C8orf34: variants seen among roughly 807,000 people sequenced by gnomAD.
C8orf34 encodes the protein chromosome 8 open reading frame 34, also known as uncharacterized protein C8orf34.
A neutral mutation model predicts 68.3 loss-of-function variants in C8orf34; 65 were observed. The ratio of observed to expected loss-of-function variants is 0.95; its 90% CI spans 0.78 to 1.17. The LOEUF (loss-of-function observed/expected upper bound fraction) is 1.17, where lower values mean the gene tolerates loss of function less well. Among genes scored for constraint, C8orf34 ranks in the 50% most tolerant of loss-of-function variants. The pLI is 0.00. For missense variants in C8orf34, 664 were observed against 655.4 expected (o/e 1.01, Z -0.14); for synonymous variants, 244 against 241.2 (o/e 1.01, Z -0.11).
intron 10 of C8orf34, among the ~76,000 whole-genome samples, chr8:68,726,763 A>G (rs1476978560): frequency 1.3e-5 from 2 of 152,092 alleles, no homozygotes; most frequent in Non-Finnish European, 2.9e-5. Flanking sequence ...AAAAGCGGAA[A>G]CCCCTGATAA....
At chr8:68,744,885 T>A (rs201380054) in intron 10 of C8orf34, among the ~76,000 whole-genome samples, 1 of 151,848 alleles carries the variant, frequency 6.6e-6, no homozygotes, top group Non-Finnish European at 1.5e-5. Flanking sequence ...TACTGAGAAC[T>A]CCACAAAGAT....
chr8:68,760,592 G>C (rs1822997288), intron 10 of C8orf34, among the ~76,000 whole-genome samples: 1 of 152,182 alleles, frequency 6.6e-6, no homozygotes, highest in Non-Finnish European at 1.5e-5. Context: ...CTGAGCATGA[G>C]ACTCTTTGCA....
At chr8:68,708,195 G>A (rs76258595) in intron 8 of C8orf34, among the ~76,000 whole-genome samples, 11,649 of 152,124 alleles carry the variant, frequency 0.077, 661 homozygotes, top group African/African-American at 0.16. Flanking sequence ...ATAGAGGGAT[G>A]TGCAGAATTT....
At chr8:68,745,321 A>G (rs906262954) in intron 10 of C8orf34, among the ~76,000 whole-genome samples, 3 of 152,190 alleles carry the variant, frequency 2.0e-5, no homozygotes, top group African/African-American at 7.2e-5. Flanking sequence ...AAGAAACTGC[A>G]TCAACTAATG....
chr8:68,524,368 T>C (rs1814888076), intron 6 of C8orf34, among the ~76,000 whole-genome samples: 1 of 152,164 alleles, frequency 6.6e-6, no homozygotes, highest in Admixed American at 6.6e-5. Flanking sequence ...ATAAGTATGT[T>C]ACAAATAGTT....
chr8:68,332,786 C>T (rs1805685042), intron 1 of C8orf34, among the ~76,000 whole-genome samples: 2 of 152,154 alleles, frequency 1.3e-5, no homozygotes, highest in Admixed American at 6.5e-5. Context: ...CAGAGTCCTA[C>T]AATTGCTTTG....
intron 1 of C8orf34, among the ~76,000 whole-genome samples, chr8:68,417,833 A>G (rs935590437): frequency 6.6e-6 from 1 of 152,034 alleles, no homozygotes; most frequent in African/African-American, 2.4e-5. Context: ...CTGTGAAGAA[A>G]GTCATTGGTA....
intron 1 of C8orf34, among the ~76,000 whole-genome samples, chr8:68,436,985 G>A (rs1035290319): frequency 6.6e-6 from 1 of 152,198 alleles, no homozygotes; most frequent in Non-Finnish European, 1.5e-5. Flanking sequence ...TGGATTAAGT[G>A]AGAAGCAGGG....
intron 1 of C8orf34, among the ~76,000 whole-genome samples, chr8:68,367,935 A>AAAAAAAAAAAAAAAC (rs1807379171): frequency 7.5e-6 from 1 of 134,030 alleles, no homozygotes; most frequent in Non-Finnish European, 1.7e-5. Context: ...AAAAAAAAAA[A>AAAAAAAAAAAAAAAC]AAGAAAAAAG....
chr8:68,817,871 T>A (rs1824865271), intron 13 of C8orf34, among the ~76,000 whole-genome samples: 1 of 152,088 alleles, frequency 6.6e-6, no homozygotes, highest in African/African-American at 2.4e-5. Context: ...GAACCCCTTA[T>A]AAAACCATCA....
chr8:68,668,479 A>G (rs1406383697), intron 8 of C8orf34, among the ~76,000 whole-genome samples: 2 of 152,146 alleles, frequency 1.3e-5, no homozygotes, highest in Non-Finnish European at 2.9e-5. Flanking sequence ...CTGACATGGT[A>G]GAAAAATGGA....
At chr8:68,439,267 G>A (rs935144757) in intron 1 of C8orf34, 1 of 340,000 alleles carries the variant, frequency 2.9e-6, no homozygotes, top group African/African-American at 2.1e-5. Flanking sequence ...ATAAATCTTG[G>A]TTTTGCCACA....
rs145443678 is a variant in C8orf34 at position 68,447,130 on chromosome 8, C to T, written c.607+670C>T. The T allele has an allele frequency of 2.3e-3, 354 of 153,286 alleles. 2 individuals carry two copies. The highest frequency in any genetic ancestry group is 7.5e-3 in the African/African-American group (312 of 41,528). The allele number at this position is 153,286 out of a possible 1,614,324, so 9.5% of individuals were successfully genotyped here. On this transcript the variant is annotated intron_variant, in intron 3 of 13. Transcript: ENST00000518698. The stretch of plus-strand genomic sequence containing the variant: ...TCATGGCAGAAGGTGAAGGGGTGCA[C>T]GCATCATATGGCGAGAGGAAGGAGA...
chr8:68,518,722 C>T (rs1814620911), intron 5 of C8orf34, among the ~76,000 whole-genome samples: 3 of 151,930 alleles, frequency 2.0e-5, no homozygotes, highest in Admixed American at 6.6e-5. Flanking sequence ...ATGGTGAAAG[C>T]CCATCTCTAC....
intron 7 of C8orf34, among the ~76,000 whole-genome samples, chr8:68,625,851 G>T (rs1312740607): frequency 6.6e-6 from 1 of 152,140 alleles, no homozygotes; most frequent in Non-Finnish European, 1.5e-5. Flanking sequence ...AGTTTGGAGG[G>T]GAGATGATAA....
At chr8:68,485,724 A>AATAAT (rs34400081) in intron 4 of C8orf34, among the ~76,000 whole-genome samples, 1 of 147,200 alleles carries the variant, frequency 6.8e-6, no homozygotes, top group African/African-American at 2.5e-5. Context: ...AAAAAAATAA[A>AATAAT]AAATAAATAA....
chr8:68,634,143 T>G (rs1314358093), intron 7 of C8orf34, among the ~76,000 whole-genome samples: 1 of 152,204 alleles, frequency 6.6e-6, no homozygotes, highest in African/African-American at 2.4e-5. Context: ...TTTTTAAAGA[T>G]CTGTACAGAA....
intron 1 of C8orf34, among the ~76,000 whole-genome samples, chr8:68,360,877 C>A (rs814455): frequency 1.3e-5 from 2 of 151,172 alleles, no homozygotes. Flanking sequence ...CTTAGCCTCC[C>A]GAGTAGCTGG....
At chr8:68,551,831 C>A (rs1410694123) in intron 7 of C8orf34, among the ~76,000 whole-genome samples, 1 of 152,112 alleles carries the variant, frequency 6.6e-6, no homozygotes, top group Non-Finnish European at 1.5e-5. Flanking sequence ...CTCATGTTTT[C>A]TTCTAAAGGT....
Sources: gnomAD v4.1 joint callset for allele counts (sites outside exome capture counted in the v4.1 genomes callset) on GRCh38, gnomAD v4.1.1 for gene constraint, MANE v1.5 for transcripts, NCBI Gene and HGNC (gene_info 2026-07-23, HGNC 2026-07-21) for gene names.